PCDHA5: variants seen among roughly 807,000 people sequenced by gnomAD.
PCDHA5 encodes the protein protocadherin alpha-5.
PCDHA5 carries 43 observed loss-of-function variants against 61.6 expected under a neutral mutation model. That is an observed-to-expected ratio of 0.70 (90% CI 0.55 to 0.90). The LOEUF is 0.90. Ranked by LOEUF, PCDHA5 falls within the 40% of genes least tolerant of loss-of-function variation. The probability of loss-of-function intolerance (pLI) is 0.00; values close to 1 mark genes in which losing one functional copy is unlikely to be tolerated. For synonymous variants in PCDHA5, 627 were observed against 543.9 expected (o/e 1.15, Z -2.13); for missense variants, 1,298 against 1,222.7 (o/e 1.06, Z -0.92).
chr5:140,971,580 T>C (rs1028418438), intron 1 of PCDHA5, among the ~76,000 whole-genome samples: 9 of 152,154 alleles, frequency 5.9e-5, no homozygotes, highest in African/African-American at 2.2e-4. Context: ...TTTCTTTTTT[T>C]CCTACCTAGT....
intron 3 of PCDHA5, among the ~76,000 whole-genome samples, chr5:140,997,260 T>G (rs1364203100): frequency 6.6e-6 from 1 of 152,196 alleles, no homozygotes; most frequent in Admixed American, 6.5e-5. Flanking sequence ...GGTTCACTCT[T>G]CCAAATATTT....
chr5:140,916,692 C>T (rs968252842), intron 1 of PCDHA5, among the ~76,000 whole-genome samples: 47 of 152,270 alleles, frequency 3.1e-4, no homozygotes, highest in African/African-American at 1.0e-3. Flanking sequence ...TCTTTTCTCT[C>T]CTCTCCTTAA....
intron 1 of PCDHA5, among the ~76,000 whole-genome samples, chr5:140,915,722 A>G (rs559518429): frequency 1.3e-5 from 2 of 151,088 alleles, no homozygotes; most frequent in South Asian, 4.2e-4. Flanking sequence ...CCCACTTTGG[A>G]TTGTGCTGGG....
intron 1 of PCDHA5, among the ~76,000 whole-genome samples, chr5:140,964,075 AT>A (rs1277799626): frequency 9.2e-5 from 14 of 152,324 alleles, no homozygotes; most frequent in African/African-American, 3.1e-4. Flanking sequence ...TAGTGTTAAT[AT>A]TTGTAGAAAG....
intron 1 of PCDHA5, among the ~76,000 whole-genome samples, chr5:140,976,116 A>G (rs781948908): frequency 1.2e-4 from 18 of 152,224 alleles, no homozygotes; most frequent in Non-Finnish European, 2.6e-4. Flanking sequence ...AATTTTTCCA[A>G]GTTTAATCAA....
chr5:140,852,162 G>A (rs1421376146), intron 1 of PCDHA5: 3 of 836,824 alleles, frequency 3.6e-6, no homozygotes, highest in Non-Finnish European at 4.4e-6. Flanking sequence ...CTTGAGAATA[G>A]AGCCACAAAA....
chr5:140,841,818 C>G, intron 1 of PCDHA5: 1 of 1,613,912 alleles, frequency 6.2e-7, no homozygotes, highest in African/African-American at 1.3e-5. Context: ...GGAGCTAACT[C>G]CGTGTTAACC....
intron 1 of PCDHA5, chr5:140,862,574 C>G (rs1338632403): frequency 4.1e-6 from 2 of 484,868 alleles, no homozygotes; most frequent in East Asian, 1.1e-4. Context: ...AATGCCCTGG[C>G]GTTCCAGCAG....
At chr5:140,938,205 C>T (rs1435832298) in intron 1 of PCDHA5, among the ~76,000 whole-genome samples, 3 of 152,160 alleles carry the variant, frequency 2.0e-5, no homozygotes, top group Non-Finnish European at 4.4e-5. Context: ...GCCAGCCTCC[C>T]AAAGTGCTGG....
chr5:140,926,791 G>A, intron 1 of PCDHA5: 6 of 1,439,200 alleles, frequency 4.2e-6, no homozygotes, highest in East Asian at 2.5e-5. Context: ...GCCGGCAGGA[G>A]CGTGCTCTTC....
chr5:140,853,333 G>A (rs905529637), intron 1 of PCDHA5: 2 of 983,832 alleles, frequency 2.0e-6, no homozygotes, highest in Middle Eastern at 5.3e-4. Context: ...ATCTTTTGAG[G>A]TCATTAGCAA....
Position 141,000,418 on chromosome 5 carries a change from TA to T in PCDHA5, c.2501-9208del, listed in dbSNP as rs1328416600. 5.1e-3 allele frequency among the ~76,000 whole-genome samples: 429 copies of T among 83,548 alleles called. 3 individuals carry two copies. The highest frequency in any genetic ancestry group is 6.3e-3 in the Non-Finnish European group (284 of 45,190). 54.8% of individuals were successfully genotyped at this position (83,548 alleles called of 152,430 possible). A position where few individuals can be genotyped will look rare whatever the true frequency, so the allele number is the denominator to read the frequency against. ...CTCTATATATATATATATATATATA[TA>T]TATTTTTTTTTTTTTTTTTTTTTTT... On this transcript the variant is annotated intron_variant, in intron 3 of 3. Transcript: ENST00000529859.
intron 1 of PCDHA5, chr5:140,967,906 C>T (rs529421659): frequency 1.2e-6 from 2 of 1,614,208 alleles, no homozygotes; most frequent in Non-Finnish European, 1.7e-6. Context: ...ATGCTACACC[C>T]AACACCATTG....
chr5:140,862,358 ACG>A (rs1554156250), intron 1 of PCDHA5: 1 of 337,982 alleles, frequency 3.0e-6, no homozygotes, highest in Non-Finnish European at 5.8e-6. Context: ...CAAGGGACAG[ACG>A]ACCCGCACCC....
chr5:140,946,611 A>AATAT (rs1554217734), intron 1 of PCDHA5, among the ~76,000 whole-genome samples: 1,089 of 86,784 alleles, frequency 0.013, 135 homozygotes, highest in African/African-American at 0.062. Flanking sequence ...GAAAATGTGA[A>AATAT]ATATATATAT....
chr5:140,873,928 T>C (rs944678136), intron 1 of PCDHA5, among the ~76,000 whole-genome samples: 1 of 152,216 alleles, frequency 6.6e-6, no homozygotes, highest in Non-Finnish European at 1.5e-5. Flanking sequence ...CCCAAAGTGC[T>C]GGGATTACAG....
At chr5:140,968,704 G>A (rs782208487) in intron 1 of PCDHA5, 6 of 1,614,002 alleles carry the variant, frequency 3.7e-6, no homozygotes, top group Admixed American at 1.7e-5. Context: ...GGACTACCAG[G>A]AAGATGGGAG....
At chr5:141,000,405 A>ATG (rs2097918195) in intron 3 of PCDHA5, among the ~76,000 whole-genome samples, 3 of 88,878 alleles carry the variant, frequency 3.4e-5, no homozygotes, top group African/African-American at 1.4e-4. Flanking sequence ...CTATATATAT[A>ATG]TATATATATA....
chr5:140,841,833 G>A (rs2150323883), intron 1 of PCDHA5: 2 of 1,613,938 alleles, frequency 1.2e-6, no homozygotes, highest in South Asian at 2.2e-5. Context: ...TTAACCTACA[G>A]GCTTAGCTCT....
Sources: gnomAD v4.1 joint callset for allele counts (sites outside exome capture counted in the v4.1 genomes callset) on GRCh38, gnomAD v4.1.1 for gene constraint, MANE v1.5 for transcripts, NCBI Gene and HGNC (gene_info 2026-07-23, HGNC 2026-07-21) for gene names.